DNAH3: variants seen among roughly 807,000 people sequenced by gnomAD.
DNAH3 encodes axonemal beta dynein heavy chain 3.
In DNAH3, 332 loss-of-function variants were observed where a neutral mutation model predicts 432.5. That is an observed-to-expected ratio of 0.77 (90% CI 0.70 to 0.84). The LOEUF is 0.84. Among genes scored for constraint, DNAH3 ranks in the 40% least tolerant of loss-of-function variants. DNAH3 has a pLI of 0.00. For synonymous variants in DNAH3, 1,956 were observed against 1,900.2 expected, an observed-to-expected ratio of 1.03 and a Z score of -0.76; for missense variants, 4,861 against 5,114.0, an observed-to-expected ratio of 0.95 and a Z score of 1.51.
rs2091970048 is a variant in DNAH3, at chr16:21,107,275, C to CA, written c.2100-602_2100-601insT. ...TTTTTTTTTTTGAGACAGAGTCTTG[C>CA]TCTGTCACCCAGGCTGGATTACAGT... On this transcript the variant is annotated intron_variant, in intron 14 of 61. Transcript: ENST00000261383. Among the ~76,000 whole-genome samples, 3 of 118,778 alleles carry CA rather than the reference C, an allele frequency of 2.5e-5. No individual in the cohort carries two copies. The South Asian group carries it at 7.9e-4, about 31-fold the overall frequency. The allele number at this position is 118,778 out of a possible 152,430, so 77.9% of individuals were successfully genotyped here. A position where few individuals can be genotyped will look rare whatever the true frequency, so the allele number is the denominator to read the frequency against.
At chr16:21,065,436 C>T (rs865870144) in intron 24 of DNAH3, among the ~76,000 whole-genome samples, 12 of 152,170 alleles carry the variant, frequency 7.9e-5, no homozygotes, top group African/African-American at 2.7e-4. Context: ...GCTAGGATTA[C>T]AGGCAGGAGC....
chr16:21,141,969 C>T (rs373573688), intron 3 of DNAH3, among the ~76,000 whole-genome samples: 2 of 152,036 alleles, frequency 1.3e-5, no homozygotes, highest in East Asian at 3.9e-4. Context: ...GGGAGAATTG[C>T]TTGAACCCAG....
chr16:21,073,525 TGG>T (rs869043144), intron 21 of DNAH3, among the ~76,000 whole-genome samples: 33,176 of 152,082 alleles, frequency 0.22, 3,817 homozygotes, highest in East Asian at 0.46. Context: ...ATAGTTCTGT[TGG>T]GTCTCAGAAC....
exon 5 of DNAH3, chr16:21,140,671 C>T (rs777332277): frequency 6.2e-7 from 1 of 1,614,008 alleles, no homozygotes; most frequent in Non-Finnish European, 8.5e-7. Flanking sequence ...CCTCCTTCTT[C>T]ATGGGTGAGA....
chr16:21,055,864 G>A (rs1052356304), intron 27 of DNAH3, among the ~76,000 whole-genome samples: 1 of 151,210 alleles, frequency 6.6e-6, no homozygotes, highest in African/African-American at 2.4e-5. Flanking sequence ...TCCCACCTCA[G>A]CCGCCTGAGT....
At chr16:21,081,690 T>C (rs1274808508) in exon 20 of DNAH3, 9 of 1,613,908 alleles carry the variant, frequency 5.6e-6, no homozygotes, top group Non-Finnish European at 6.8e-6. Context: ...GCAGGTCGTT[T>C]CGGTGGGCTT....
chr16:21,159,420 C>G, exon 1 of DNAH3: 2 of 1,614,008 alleles, frequency 1.2e-6, no homozygotes, highest in Non-Finnish European at 8.5e-7. Flanking sequence ...AGTGTGAGCT[C>G]GAGGCGCCCT....
intron 44 of DNAH3, among the ~76,000 whole-genome samples, 181 bp from the exon 45 acceptor site, chr16:20,988,246 A>G (rs2086309912): frequency 6.6e-6 from 1 of 152,170 alleles, no homozygotes; most frequent in African/African-American, 2.4e-5. Flanking sequence ...TTAATATTAA[A>G]TAACATTAAA....
intron 18 of DNAH3, among the ~76,000 whole-genome samples, chr16:21,096,776 TC>T (rs1200917492): frequency 6.6e-6 from 1 of 152,190 alleles, no homozygotes; most frequent in Admixed American, 6.5e-5. Context: ...GCTGTTATTA[TC>T]CTCACTCATC....
At chr16:21,102,314 AC>A (rs2091856684) in intron 16 of DNAH3, among the ~76,000 whole-genome samples, 1 of 152,140 alleles carries the variant, frequency 6.6e-6, no homozygotes, top group South Asian at 2.1e-4. Flanking sequence ...TCACAGAGCC[AC>A]CCCTCACTCC....
chr16:20,959,198 T>C lies in DNAH3; in HGVS notation c.10807A>G (p.Ser3603Gly), dbSNP rs191570218. 183 of 1,614,160 alleles carry C rather than the reference T, an allele frequency of 1.1e-4. No individual in the cohort carries two copies. Among genetic ancestry groups the C allele is most frequent in the East Asian group, 9.1e-4 (41 of 44,880 alleles). ...TCTCACCTGAATCTGGCATTGGTGC[T>C]CTCAGGAACAATCACCTCCTCACAA... The change falls in exon 54 of 62, where the codon AGC becomes GGC. Residue 3603 changes from serine to glycine, a missense_variant. Coordinates refer to ENST00000261383, the Ensembl canonical transcript of DNAH3.
chr16:21,106,340 T>C (rs2091945956), intron 15 of DNAH3, 150 bp downstream of exon 15: 1 of 637,392 alleles, frequency 1.6e-6, no homozygotes, highest in African/African-American at 1.8e-5. Flanking sequence ...CTTTTATATT[T>C]AGTGGTAGAA....
At chr16:20,986,343 A>G (rs1259232306) in intron 47 of DNAH3, among the ~76,000 whole-genome samples, 3 of 151,840 alleles carry the variant, frequency 2.0e-5, no homozygotes, top group Non-Finnish European at 2.9e-5. Flanking sequence ...AGTCTCTACA[A>G]TAAAATAAGA....
chr16:20,933,389 G>A, exon 62 of DNAH3: 1 of 1,614,164 alleles, frequency 6.2e-7, no homozygotes, highest in South Asian at 1.1e-5. Flanking sequence ...GAGGATTTTG[G>A]GGAGAGATTC....
chr16:20,964,950 C>T lies in DNAH3; in HGVS notation c.8934G>A (p.Lys2978=), dbSNP rs552490501. ...GTCGGGCAGCTTCGGTCCATCTGTC[C>T]TTCTCTCCCCCAAGACCACTGATCA... Residue 2978 remains lysine (K), a synonymous_variant, in exon 53 of 62, where the codon AAG becomes AAA. Coordinates refer to ENST00000261383, the Ensembl canonical transcript of DNAH3. 1.2e-5 allele frequency: 19 copies of T among 1,614,192 alleles called. No individual in the cohort carries two copies. The South Asian group carries it at 1.9e-4, about 16-fold the overall frequency.
chr16:20,997,934 G>C (rs1567611315), intron 43 of DNAH3, among the ~76,000 whole-genome samples: 1 of 152,000 alleles, frequency 6.6e-6, no homozygotes, highest in Non-Finnish European at 1.5e-5. Context: ...TTGAGCCTCG[G>C]AGGCAGAGGT....
chr16:21,128,166 A>T (rs2092480012), intron 7 of DNAH3, among the ~76,000 whole-genome samples: 1 of 152,088 alleles, frequency 6.6e-6, no homozygotes, highest in African/African-American at 2.4e-5. Flanking sequence ...GTTCTTTACA[A>T]CAGTGAAGAC....
chr16:21,155,425 C>T (rs972727062), intron 1 of DNAH3, among the ~76,000 whole-genome samples: 1 of 151,806 alleles, frequency 6.6e-6, no homozygotes, highest in Non-Finnish European at 1.5e-5. Flanking sequence ...AGTTTGAGAC[C>T]AGCCTGACCA....
intron 36 of DNAH3, among the ~76,000 whole-genome samples, chr16:21,033,525 C>T (rs112910463): frequency 0.018 from 2,744 of 151,880 alleles, 78 homozygotes; most frequent in African/African-American, 0.058. Context: ...GATTCAAAAG[C>T]AGGAGCTCCT....
Sources: gnomAD v4.1 joint callset for allele counts (sites outside exome capture counted in the v4.1 genomes callset) on GRCh38, gnomAD v4.1.1 for gene constraint, MANE v1.5 for transcripts, NCBI Gene and HGNC (gene_info 2026-07-23, HGNC 2026-07-21) for gene names.